The following ANO2 variants were observed in gnomAD, a reference collection of about 807,000 sequenced individuals.
The protein encoded by ANO2 is anoctamin 2, also known as anoctamin-2.
ANO2 carries 101 observed loss-of-function variants against 124.2 expected under a neutral mutation model. That is an observed-to-expected ratio of 0.81 (90% CI 0.69 to 0.96). The LOEUF (loss-of-function observed/expected upper bound fraction) is 0.96. Ranked by LOEUF, ANO2 falls within the 40% of genes least tolerant of loss-of-function variation. The pLI is 0.00. For synonymous variants in ANO2, 486 were observed against 482.5 expected, an observed-to-expected ratio of 1.01 and a Z score of -0.09; for missense variants, 1,293 against 1,274.5, an observed-to-expected ratio of 1.01 and a Z score of -0.22.
intron 4 of ANO2, among the ~76,000 whole-genome samples, chr12:5,843,762 A>C (rs996906765): frequency 1.3e-5 from 2 of 152,146 alleles, no homozygotes; most frequent in Non-Finnish European, 2.9e-5. Flanking sequence ...TATCATCCTG[A>C]GCGACTCTGC....
At chr12:5,568,244 AT>A (rs1941894387) in intron 23 of ANO2, among the ~76,000 whole-genome samples, 1 of 144,816 alleles carries the variant, frequency 6.9e-6, no homozygotes, top group African/African-American at 2.6e-5. Flanking sequence ...GGTTCACGCC[AT>A]TCTCCTGCCT....
chr12:5,837,890 C>CA (rs1213596991), intron 4 of ANO2, among the ~76,000 whole-genome samples: 5 of 151,570 alleles, frequency 3.3e-5, no homozygotes, highest in African/African-American at 7.3e-5. Context: ...AATAGAGACA[C>CA]AAAAAACCCT....
At chr12:5,652,427 T>G (rs1946957681) in intron 14 of ANO2, among the ~76,000 whole-genome samples, 1 of 152,176 alleles carries the variant, frequency 6.6e-6, no homozygotes, top group Non-Finnish European at 1.5e-5. Flanking sequence ...CCATATTTTC[T>G]TATAAATATA....
chr12:5,932,705 A>C (rs1214134193), intron 1 of ANO2, among the ~76,000 whole-genome samples: 1 of 152,122 alleles, frequency 6.6e-6, no homozygotes, highest in East Asian at 1.9e-4. Flanking sequence ...TAGACTAGAG[A>C]GGAAGGAAAG....
rs573476264 is a variant in ANO2 at position 5,653,047 on chromosome 12, C to T, written c.1546-5246G>A. ...TGTAAAGAAGAGATACTCAGTCATA[C>T]CAATGTGAAACCAGTGCAGGTTACT... On this transcript the variant is annotated intron_variant, in intron 14 of 24. Transcript: ENST00000682330. Among the ~76,000 whole-genome samples, 5 of 152,222 alleles carry T rather than the reference C, an allele frequency of 3.3e-5. No homozygotes were observed. The East Asian group carries it at 7.7e-4, about 24-fold the overall frequency.
intron 10 of ANO2, among the ~76,000 whole-genome samples, chr12:5,759,131 C>T (rs1057361534): frequency 5.3e-5 from 7 of 132,708 alleles, no homozygotes; most frequent in Non-Finnish European, 1.1e-4. Flanking sequence ...TATGTTATGG[C>T]TAAGAATTTT....
rs1215606561 is a variant in ANO2 at position 5,908,599 on chromosome 12, T to A, written c.534+12441A>T. ...GGGAGACATCAGAATGGACCCAGGGTTCCCTAGGAGGCATTAGGCCATAAA... is the reference window on the plus strand; with the variant it reads ...GGGAGACATCAGAATGGACCCAGGGATCCCTAGGAGGCATTAGGCCATAAA... On this transcript the variant is annotated intron_variant, in intron 3 of 24. Transcript: ENST00000682330. The surrounding 1 kb of genome is among the most constrained non-coding windows in gnomAD (Gnocchi z 4.7). 1.3e-5 allele frequency among the ~76,000 whole-genome samples: 2 copies of A among 152,176 alleles called. No homozygotes were observed. Among genetic ancestry groups the A allele is most frequent in the Middle Eastern group, 3.4e-3 (1 of 294 alleles).
intron 4 of ANO2, 109 bp downstream of exon 4, chr12:5,853,934 G>C (rs958402822): frequency 3.0e-6 from 1 of 331,380 alleles, no homozygotes; most frequent in Non-Finnish European, 5.0e-6. Flanking sequence ...GGGGAAGCAA[G>C]TGTGATTTCA....
At position 5,634,216 on chromosome 12, in the gene ANO2, G is replaced by A. The variant is rs532515920; in HGVS notation, c.1816+936C>T. 3.3e-5 allele frequency among the ~76,000 whole-genome samples: 5 copies of A among 152,292 alleles called. No individual in the cohort carries two copies. The East Asian group carries it at 9.7e-4, about 29-fold the overall frequency. On this transcript the variant is annotated intron_variant, in intron 16 of 24. Coordinates refer to ENST00000682330, the MANE Select transcript of ANO2 (RefSeq NM_001364791.2). ...GAAGTCAAAGCAAAGTGCTCACCGTGGGTAGTGTTACAGTAGAGGCCAAGC... is the reference window on the plus strand; with the variant it reads ...GAAGTCAAAGCAAAGTGCTCACCGTAGGTAGTGTTACAGTAGAGGCCAAGC...
intron 20 of ANO2, among the ~76,000 whole-genome samples, chr12:5,583,609 T>C (rs1379604073): frequency 7.8e-6 from 1 of 128,876 alleles, no homozygotes; most frequent in Non-Finnish European, 1.5e-5. Flanking sequence ...GCCAAGATTG[T>C]GCCACTGCAA....
At chr12:5,721,575 A>G (rs1950239255) in intron 14 of ANO2, among the ~76,000 whole-genome samples, 1 of 151,752 alleles carries the variant, frequency 6.6e-6, no homozygotes, top group Admixed American at 6.6e-5. Context: ...GCACAATCAC[A>G]GCTAACTGCT....
At chr12:5,664,105 T>C (rs1263789919) in intron 14 of ANO2, among the ~76,000 whole-genome samples, 2 of 152,386 alleles carry the variant, frequency 1.3e-5, no homozygotes, top group East Asian at 1.9e-4. Context: ...TGCTTACATA[T>C]ACTTATGCAC....
chr12:5,575,379 G>C (rs939804307), intron 23 of ANO2, among the ~76,000 whole-genome samples: 2 of 152,234 alleles, frequency 1.3e-5, no homozygotes, highest in African/African-American at 4.8e-5. Context: ...AACAACTGCA[G>C]AGAGAGCAGG....
intron 3 of ANO2, among the ~76,000 whole-genome samples, chr12:5,905,189 G>T (rs543826063): frequency 1.3e-5 from 2 of 152,292 alleles, no homozygotes; most frequent in South Asian, 4.1e-4. Context: ...GGAGCACCAG[G>T]TGCTGTTGCG....
At chr12:5,697,381 G>A (rs1028556239) in intron 14 of ANO2, among the ~76,000 whole-genome samples, 2 of 151,654 alleles carry the variant, frequency 1.3e-5, no homozygotes, top group African/African-American at 2.4e-5. Flanking sequence ...GCAGTGAGCC[G>A]AGATCCCACC....
In ANO2 at chr12:5,629,969, C is replaced by T. The variant is rs117298413; in HGVS notation, c.1816+5183G>A. On this transcript the variant is annotated intron_variant, in intron 16 of 24. Coordinates refer to ENST00000682330, the MANE Select transcript of ANO2 (RefSeq NM_001364791.2). ...CAGGAGGACAATCACTGTTTTTATC[C>T]GCCACTGCTGCTAGCGGTAGATATC... Among the ~76,000 whole-genome samples, 445 of 152,294 alleles carry T rather than the reference C, an allele frequency of 2.9e-3. 1 individual carries two copies. The highest frequency in any genetic ancestry group is 4.3e-3 in the Non-Finnish European group (293 of 68,028).
chr12:5,589,811 A>T (rs1565446512), intron 20 of ANO2, among the ~76,000 whole-genome samples: 1 of 152,064 alleles, frequency 6.6e-6, no homozygotes, highest in Admixed American at 6.6e-5. Context: ...GCAGGGCAGG[A>T]GGGAGCTGTA....
At chr12:5,585,360 C>A (rs973988007) in intron 20 of ANO2, among the ~76,000 whole-genome samples, 1 of 152,110 alleles carries the variant, frequency 6.6e-6, no homozygotes, top group Non-Finnish European at 1.5e-5. Context: ...GAAGTCATAA[C>A]AGGAAGGGAC....
intron 14 of ANO2, among the ~76,000 whole-genome samples, chr12:5,691,569 C>T (rs1232140734): frequency 1.3e-5 from 2 of 151,834 alleles, no homozygotes; most frequent in Non-Finnish European, 2.9e-5. Flanking sequence ...CTCAAAGACC[C>T]TGGGGTGGAT....
Sources: allele counts gnomAD v4.1 joint callset (sites outside exome capture counted in the v4.1 genomes callset), GRCh38; gene constraint gnomAD v4.1.1; non-coding constraint Gnocchi (gnomAD v3.1); transcripts MANE v1.5; gene names NCBI Gene and HGNC (gene_info 2026-07-23, HGNC 2026-07-21).